TRMT9B: variants seen among roughly 807,000 people sequenced by gnomAD.
The protein encoded by TRMT9B is tRNA methyltransferase 9B (putative), also known as probable tRNA methyltransferase 9B.
TRMT9B carries 16 observed loss-of-function variants against 11.5 expected under a neutral mutation model. The observed-to-expected ratio is 1.39, with a 90% CI of 0.94 to 2.11. The LOEUF is 2.11. TRMT9B is among the 30% of genes most tolerant of loss of function. TRMT9B has a pLI of 0.00. For missense variants in TRMT9B, 941 were observed against 553.8 expected (o/e 1.70, Z -7.02); for synonymous variants, 274 against 192.4 (o/e 1.42, Z -3.51).
At position 13,009,263 on chromosome 8, in the gene TRMT9B, G is replaced by C. The variant is rs1040355363; in HGVS notation, c.154+2907G>C. The stretch of plus-strand genomic sequence containing the variant: ...CTGGGGCTGGGGTGTCGAAGCGGGT[G>C]GGGTAGGTGTAGGAAATGGTAAGAC... On this transcript the variant is annotated intron_variant, in intron 3 of 4. Coordinates refer to ENST00000524591, the MANE Select transcript of TRMT9B (RefSeq NM_020844.3). Among the ~76,000 whole-genome samples the C allele has an allele frequency of 2.6e-5, 4 of 152,046 alleles. No homozygotes were observed. The South Asian group carries it at 8.3e-4, about 32-fold the overall frequency.
intron 1 of TRMT9B, among the ~76,000 whole-genome samples, chr8:12,970,994 T>A (rs1444536654): frequency 6.6e-6 from 1 of 152,236 alleles, no homozygotes; most frequent in African/African-American, 2.4e-5. Flanking sequence ...TTTGCATTTT[T>A]AAATGATGTA....
At chr8:13,012,479 GC>G (rs1476203032) in intron 3 of TRMT9B, 2 of 610,084 alleles carry the variant, frequency 3.3e-6, no homozygotes, top group Non-Finnish European at 4.8e-6. Context: ...GGAGGCTAAG[GC>G]AAGAGAATTG....
chr8:13,016,116 T>C (rs1487495706), intron 4 of TRMT9B, among the ~76,000 whole-genome samples: 1 of 144,924 alleles, frequency 6.9e-6, no homozygotes, highest in Non-Finnish European at 1.5e-5. Flanking sequence ...GATATATATA[T>C]ATATACATAT....
intron 1 of TRMT9B, among the ~76,000 whole-genome samples, chr8:12,957,041 C>T (rs1226288993): frequency 6.6e-6 from 1 of 152,064 alleles, no homozygotes; most frequent in Non-Finnish European, 1.5e-5. Flanking sequence ...GAGTGGATAA[C>T]AATAAGGTTA....
At chr8:12,993,948 C>G (rs1807863733) in intron 2 of TRMT9B, among the ~76,000 whole-genome samples, 2 of 152,186 alleles carry the variant, frequency 1.3e-5, no homozygotes, top group African/African-American at 2.4e-5. Flanking sequence ...AAAGTTACAA[C>G]TTGGGATGAG....
intron 1 of TRMT9B, among the ~76,000 whole-genome samples, chr8:12,950,371 C>G (rs2946510): frequency 0.37 from 56,687 of 151,980 alleles, 11,276 homozygotes; most frequent in East Asian, 0.68. Flanking sequence ...GCTTTGTCTC[C>G]TAATGCACTG....
chr8:12,949,776 G>T (rs908833341), intron 1 of TRMT9B, among the ~76,000 whole-genome samples: 82 of 152,236 alleles, frequency 5.4e-4, no homozygotes, highest in African/African-American at 1.9e-3. Context: ...ACCTACAAAA[G>T]GTTAAGAATC....
rs916418357 is a variant in TRMT9B at position 13,023,496 on chromosome 8, G to C, written c.*1452G>C. On this transcript the variant is annotated 3_prime_UTR_variant, in exon 5 of 5. Coordinates refer to ENST00000524591, the MANE Select transcript of TRMT9B (RefSeq NM_020844.3). ...TAGAGAAACGAATAGACTGGACACT[G>C]TGTGGTCACTGTTTAGATTTGCCCA... The C allele has an allele frequency of 6.0e-6, 1 of 167,068 alleles. No homozygotes were observed. Among genetic ancestry groups the C allele is most frequent in the Non-Finnish European group, 1.5e-5 (1 of 68,122 alleles). 10.3% of individuals were successfully genotyped at this position (167,068 alleles called of 1,614,324 possible). A position where few individuals can be genotyped will look rare whatever the true frequency, so the allele number is the denominator to read the frequency against.
chr8:13,023,722 G>C lies in TRMT9B; in HGVS notation c.*1678G>C, dbSNP rs760030378. On this transcript the variant is annotated 3_prime_UTR_variant, in exon 5 of 5. Transcript: ENST00000524591. Reference sequence around the variant, plus strand: ...TCTTGTTTTATTTTTTCCACTAAAAGTGACTAAAATAATAACGAATTTCAT... The same window carrying C: ...TCTTGTTTTATTTTTTCCACTAAAACTGACTAAAATAATAACGAATTTCAT... 1 of 166,886 alleles carries C rather than the reference G, an allele frequency of 6.0e-6. No homozygotes were observed. Among genetic ancestry groups the C allele is most frequent in the East Asian group, 1.9e-4 (1 of 5,198 alleles). The allele number at this position is 166,886 out of a possible 1,614,324, so 10.3% of individuals were successfully genotyped here. A position where few individuals can be genotyped will look rare whatever the true frequency, so the allele number is the denominator to read the frequency against.
intron 1 of TRMT9B, among the ~76,000 whole-genome samples, chr8:12,960,703 A>C (rs1766362505): frequency 6.6e-6 from 1 of 152,258 alleles, no homozygotes; most frequent in African/African-American, 2.4e-5. Flanking sequence ...AAAAGAAGCC[A>C]GTCTGAAAAA....
At chr8:12,965,807 G>C (rs1012118076) in intron 1 of TRMT9B, among the ~76,000 whole-genome samples, 3 of 152,190 alleles carry the variant, frequency 2.0e-5, no homozygotes, top group African/African-American at 7.2e-5. Flanking sequence ...GAGCTCAGTA[G>C]TTCAAGACCA....
chr8:12,957,997 G>A (rs1259556434), intron 1 of TRMT9B, among the ~76,000 whole-genome samples: 1 of 151,922 alleles, frequency 6.6e-6, no homozygotes, highest in African/African-American at 2.4e-5. Flanking sequence ...TATCAATAAG[G>A]GATTCCACTT....
chr8:13,025,782 A>G lies in TRMT9B; in HGVS notation c.*3738A>G, dbSNP rs1228395437. ...TTTGGTTTCGTTCTCTTTTCTCATC[A>G]TAGATCTCCGTGCAGAATAGTGCTA... On this transcript the variant is annotated 3_prime_UTR_variant, in exon 5 of 5. Transcript: ENST00000524591. 1.2e-5 allele frequency: 2 copies of G among 166,982 alleles called. No individual in the cohort carries two copies. Among genetic ancestry groups the G allele is most frequent in the African/African-American group, 4.8e-5 (2 of 41,454 alleles). 10.3% of individuals were successfully genotyped at this position (166,982 alleles called of 1,614,324 possible). A position where few individuals can be genotyped will look rare whatever the true frequency, so the allele number is the denominator to read the frequency against.
chr8:12,999,226 G>A (rs944881390), intron 2 of TRMT9B, among the ~76,000 whole-genome samples: 3 of 150,954 alleles, frequency 2.0e-5, no homozygotes, highest in African/African-American at 7.3e-5. Flanking sequence ...TTGAACCTGG[G>A]AGGCGGAGGT....
At chr8:13,006,676 T>G in intron 3 of TRMT9B, 1 of 1,344,850 alleles carries the variant, frequency 7.4e-7, no homozygotes, top group Non-Finnish European at 9.5e-7. Flanking sequence ...TATTTTATTT[T>G]TATTCTTTTG....
chr8:13,026,668 CA>C lies in TRMT9B; in HGVS notation c.*4625del, dbSNP rs1384313670. 1 of 167,086 alleles carries C rather than the reference CA, an allele frequency of 6.0e-6. No individual in the cohort carries two copies. The highest frequency in any genetic ancestry group is 2.4e-5 in the African/African-American group (1 of 41,440). 10.4% of individuals were successfully genotyped at this position (167,086 alleles called of 1,614,324 possible). ...ATTTTGCAGATGAGGAAAACTGAGGCAGAAAGAAATTAAATTGCTTAAGGTT... is the reference window on the plus strand; with the variant it reads ...ATTTTGCAGATGAGGAAAACTGAGGCGAAAGAAATTAAATTGCTTAAGGTT... On this transcript the variant is annotated 3_prime_UTR_variant, in exon 5 of 5. Transcript: ENST00000524591.
At chr8:12,977,216 CCATGGGCT>C (rs545899874) in intron 1 of TRMT9B, among the ~76,000 whole-genome samples, 228 of 152,294 alleles carry the variant, frequency 1.5e-3, no homozygotes, top group African/African-American at 5.3e-3. Context: ...TTGCATAATG[CCATGGGCT>C]CAGGGTTTAT....
At position 13,022,411 on chromosome 8, in the gene TRMT9B, C is replaced by T. The variant is rs536883257; in HGVS notation, c.*367C>T. The T allele has an allele frequency of 1.5e-4, 27 of 179,418 alleles. No individual in the cohort carries two copies. Among genetic ancestry groups the T allele is most frequent in the Non-Finnish European group, 2.9e-4 (22 of 77,038 alleles). The allele number at this position is 179,418 out of a possible 1,614,324, so 11.1% of individuals were successfully genotyped here. A position where few individuals can be genotyped will look rare whatever the true frequency, so the allele number is the denominator to read the frequency against. Reference sequence around the variant, plus strand: ...TATGCTGTTAAATAATCTTTTAAAACGGTATTTTTATAAAGTGAGGGGATA... The same window carrying T: ...TATGCTGTTAAATAATCTTTTAAAATGGTATTTTTATAAAGTGAGGGGATA... On this transcript the variant is annotated 3_prime_UTR_variant, in exon 5 of 5. Transcript: ENST00000524591.
chr8:12,993,772 G>A (rs1807824907), intron 2 of TRMT9B, among the ~76,000 whole-genome samples: 1 of 152,162 alleles, frequency 6.6e-6, no homozygotes, highest in Non-Finnish European at 1.5e-5. Context: ...TTTCACTGTG[G>A]CCCCCACTGG....
Sources: gnomAD v4.1 joint callset for allele counts (sites outside exome capture counted in the v4.1 genomes callset) on GRCh38, gnomAD v4.1.1 for gene constraint, MANE v1.5 for transcripts, NCBI Gene and HGNC (gene_info 2026-07-23, HGNC 2026-07-21) for gene names.